The following SETD1A variants were observed in gnomAD, a reference collection of about 807,000 sequenced individuals.
SETD1A encodes the protein SET domain containing 1A, histone lysine methyltransferase.
Under a neutral mutation model 149.9 loss-of-function variants are expected in SETD1A, and 29 were observed. The ratio of observed to expected loss-of-function variants is 0.19; its 90% CI spans 0.14 to 0.26. The LOEUF (loss-of-function observed/expected upper bound fraction) is 0.26, where lower values mean the gene tolerates loss of function less well. SETD1A is among the 10% of genes least tolerant of loss of function. The pLI is 1.00. For synonymous variants in SETD1A, 1,141 were observed against 968.5 expected, an observed-to-expected ratio of 1.18 and a Z score of -3.31; for missense variants, 2,109 against 2,353.1, an observed-to-expected ratio of 0.90 and a Z score of 2.15.
chr16:30,971,571 G>A lies in SETD1A; in HGVS notation c.3210G>A (p.Arg1070=), dbSNP rs768969396. The change falls in exon 13 of 19, where the codon CGG becomes CGA. Residue 1070 remains arginine, a synonymous_variant. Transcript: ENST00000262519. The part of the protein sequence containing the change: ...SSSEDEEEEE[R]PAALPSASPP... ...CTGAAGATGAAGAGGAAGAGGAGCG[G>A]CCAGCAGCCCTTCCCTCAGCCTCCC... 1 of 1,613,810 alleles carries A rather than the reference G, an allele frequency of 6.2e-7. No homozygotes were observed. Among genetic ancestry groups the A allele is most frequent in the Non-Finnish European group, 8.5e-7 (1 of 1,179,898 alleles).
At chr16:30,959,964 C>A (rs919664476) in intron 3 of SETD1A, among the ~76,000 whole-genome samples, 1 of 152,140 alleles carries the variant, frequency 6.6e-6, no homozygotes, top group African/African-American at 2.4e-5. Flanking sequence ...CCTTAACCTA[C>A]CTTTTTCATT....
At chr16:30,977,165 C>T (rs374022357) in intron 13 of SETD1A, among the ~76,000 whole-genome samples, 3 of 152,162 alleles carry the variant, frequency 2.0e-5, no homozygotes, top group East Asian at 1.9e-4. Context: ...AGGATGGTCT[C>T]GATCTCTTGA....
intron 4 of SETD1A, 51 bp from the exon 5 acceptor site, chr16:30,963,382 A>G (rs1209757569): frequency 6.6e-7 from 1 of 1,513,818 alleles, no homozygotes; most frequent in African/African-American, 1.4e-5. Flanking sequence ...CCAGATCAGG[A>G]AGGAGTTAGT....
chr16:30,972,800 G>T (rs1335349976), intron 13 of SETD1A, among the ~76,000 whole-genome samples: 1 of 151,636 alleles, frequency 6.6e-6, no homozygotes, highest in Non-Finnish European at 1.5e-5. Flanking sequence ...GTTGTAGTGA[G>T]CCAAGATCAC....
chr16:30,965,493 G>A (rs533743045), intron 7 of SETD1A, 32 bp downstream of exon 7: 6 of 1,582,956 alleles, frequency 3.8e-6, no homozygotes, highest in Non-Finnish European at 5.2e-6. Flanking sequence ...GGAGGCACCT[G>A]GGCTCTGGGA....
chr16:30,967,390 G>A, intron 9 of SETD1A, 111 bp from the exon 10 acceptor site: 1 of 925,612 alleles, frequency 1.1e-6, no homozygotes, highest in Middle Eastern at 2.2e-4. Flanking sequence ...CTAACCTCAG[G>A]TGATCTACCT....
At chr16:30,973,579 C>T (rs144434756) in intron 13 of SETD1A, among the ~76,000 whole-genome samples, 5 of 152,180 alleles carry the variant, frequency 3.3e-5, no homozygotes, top group Non-Finnish European at 5.9e-5. Flanking sequence ...CGCTTGAACC[C>T]GGGAGGTGGA....
chr16:30,965,714 G>T lies in SETD1A; in HGVS notation c.1833G>T (p.Pro611=), dbSNP rs555317237. ...PQQPPPPPPP[P]PPPPPYLASL... ...AGCCTCCGCCACCTCCCCCTCCCCC[G>T]CCGCCTCCTCCTCCCTACCTGGCGT... The change falls in exon 8 of 19, where the codon CCG becomes CCT. Residue 611 remains proline (P), a synonymous_variant. Coordinates refer to ENST00000262519, the MANE Select transcript of SETD1A (RefSeq NM_014712.3). 3 of 233,134 alleles carry T rather than the reference G, an allele frequency of 1.3e-5. No homozygotes were observed. The highest frequency in any genetic ancestry group is 9.4e-5 in the South Asian group (2 of 21,334). The allele number at this position is 233,134 out of a possible 1,614,324, so 14.4% of individuals were successfully genotyped here.
chr16:30,963,650 C>A, intron 5 of SETD1A, 96 bp downstream of exon 5: 2 of 1,352,458 alleles, frequency 1.5e-6, no homozygotes, highest in East Asian at 2.5e-5. Flanking sequence ...CGGGCTTTCC[C>A]GTTAAACAAA....
At chr16:30,981,328 C>T in intron 17 of SETD1A, 148 bp downstream of exon 17, 1 of 959,874 alleles carries the variant, frequency 1.0e-6, no homozygotes, top group Non-Finnish European at 1.5e-6. Flanking sequence ...CCGGTGTGGT[C>T]AGCAGGTGTC....
At position 30,983,619 on chromosome 16, in the gene SETD1A, CAT is replaced by C. The variant is rs1305888196; in HGVS notation, c.4813-15_4813-14del. 1 of 1,609,176 alleles carries C rather than the reference CAT, an allele frequency of 6.2e-7. No individual in the cohort carries two copies. The highest frequency in any genetic ancestry group is 1.8e-4 in the Middle Eastern group (1 of 5,416). ...GTGGGGGACTCTTCCCTGACCATCG[CAT>C]CTCACCCTGGCAGATGGTGGCCGAC... On this transcript the variant is annotated splice_polypyrimidine_tract_variant and intron_variant, in intron 17 of 18. Transcript: ENST00000262519. This position sits in a 1 kb window ranked among gnomAD's most constrained non-coding sequence, Gnocchi z 6.8.
intron 6 of SETD1A, 103 bp from the exon 7 acceptor site, chr16:30,964,509 C>G (rs1031529893): frequency 1.3e-6 from 2 of 1,528,868 alleles, no homozygotes; most frequent in Admixed American, 4.0e-5. Flanking sequence ...TATAGCTCTT[C>G]TTTTGGAGGG....
At chr16:30,959,007 A>C (rs1274022662) in intron 2 of SETD1A, 84 bp from the exon 3 acceptor site, 2 of 1,436,570 alleles carry the variant, frequency 1.4e-6, no homozygotes, top group Non-Finnish European at 9.8e-7. Context: ...GCTCTTCTGC[A>C]TGTGTGTGTC....
At chr16:30,958,450 G>T in intron 1 of SETD1A, 1 of 410,964 alleles carries the variant, frequency 2.4e-6, no homozygotes, top group Non-Finnish European at 4.4e-6. Flanking sequence ...GAGGCCAAGT[G>T]GGGCGCGCGC....
rs1385746995 is a variant in SETD1A, at chr16:30,965,833, C to T, written c.1952C>T (p.Pro651Leu). 3 of 1,606,190 alleles carry T rather than the reference C, an allele frequency of 1.9e-6. No individual in the cohort carries two copies. Among genetic ancestry groups the T allele is most frequent in the African/African-American group, 2.7e-5 (2 of 74,580 alleles). The change falls in exon 8 of 19, where the codon CCA becomes CTA. Residue 651 changes from proline (P) to leucine (L), a missense_variant. Coordinates refer to ENST00000262519, the MANE Select transcript of SETD1A (RefSeq NM_014712.3). ...PPPPEYPPPPPPPPHIYDFVN... is the reference protein window; with the variant it reads ...PPPPEYPPPPLPPPHIYDFVN... Reference sequence around the variant, plus strand: ...CCCCCTGAGTACCCCCCACCTCCTCCACCACCCCCGCACATCTATGACTTT... The same window carrying T: ...CCCCCTGAGTACCCCCCACCTCCTCTACCACCCCCGCACATCTATGACTTT...
intron 13 of SETD1A, among the ~76,000 whole-genome samples, chr16:30,972,840 C>T (rs552963110): frequency 7.3e-5 from 11 of 150,750 alleles, no homozygotes; most frequent in African/African-American, 2.0e-4. Context: ...GGTGGCAGAG[C>T]GAGACCCTGT....
intron 1 of SETD1A, chr16:30,958,176 A>T (rs1333012033): frequency 6.7e-6 from 1 of 149,884 alleles, no homozygotes; most frequent in Non-Finnish European, 1.5e-5. Context: ...GGGGGGGTGC[A>T]GAACGCGCCG....
chr16:30,965,835 CCA>C lies in SETD1A; in HGVS notation c.1956_1957del (p.Pro654AlafsTer4). The C allele has an allele frequency of 6.2e-7, 1 of 1,606,502 alleles. No individual in the cohort carries two copies. Among genetic ancestry groups the C allele is most frequent in the Non-Finnish European group, 8.5e-7 (1 of 1,175,622 alleles). ...PPPEYPPPPP[P>X]PPHIYDFVNS... ...CCCTGAGTACCCCCCACCTCCTCCA[CCA>C]CCCCCGCACATCTATGACTTTGTGA... On this transcript the variant is annotated frameshift_variant, in exon 8 of 19. Coordinates refer to ENST00000262519, the MANE Select transcript of SETD1A (RefSeq NM_014712.3). LOFTEE classifies it high-confidence loss of function.
In SETD1A at chr16:30,980,322, C is replaced by T; in HGVS notation, c.4408+128C>T. 13 of 1,433,182 alleles carry T rather than the reference C, an allele frequency of 9.1e-6. No individual in the cohort carries two copies. Among genetic ancestry groups the T allele is most frequent in the Middle Eastern group, 4.6e-4 (2 of 4,342 alleles). 88.8% of individuals were successfully genotyped at this position (1,433,182 alleles called of 1,614,324 possible). A position where few individuals can be genotyped will look rare whatever the true frequency, so the allele number is the denominator to read the frequency against. Reference sequence around the variant, plus strand: ...AGCCATCTTTTCTCTCCTCCTGGTGCCTCTTTTCTGCCTTCCAAAGCATTT... The same window carrying T: ...AGCCATCTTTTCTCTCCTCCTGGTGTCTCTTTTCTGCCTTCCAAAGCATTT... On this transcript the variant is annotated intron_variant, in intron 14 of 18. Coordinates refer to ENST00000262519, the MANE Select transcript of SETD1A (RefSeq NM_014712.3). This position sits in a 1 kb window ranked among gnomAD's most constrained non-coding sequence, Gnocchi z 7.7.
Sources: allele counts gnomAD v4.1 joint callset (sites outside exome capture counted in the v4.1 genomes callset), GRCh38; gene constraint gnomAD v4.1.1; non-coding constraint Gnocchi (gnomAD v3.1); transcripts MANE v1.5; gene names NCBI Gene and HGNC (gene_info 2026-07-23, HGNC 2026-07-21).